The following WDR41 variants were observed in gnomAD, a reference collection of about 807,000 sequenced individuals.
WDR41 encodes the protein WD repeat domain 41, also known as WD repeat-containing protein 41.
WDR41 carries 63 observed loss-of-function variants against 69.3 expected under a neutral mutation model. The ratio of observed to expected loss-of-function variants is 0.91; its 90% confidence interval spans 0.74 to 1.12. WDR41 has a LOEUF of 1.12. Among genes scored for constraint, WDR41 ranks in the 50% most tolerant of loss-of-function variants. The pLI is 0.00. For synonymous variants in WDR41, 185 were observed against 192.1 expected (o/e 0.96, Z 0.31); for missense variants, 543 against 534.5 (o/e 1.02, Z -0.16).
intron 1 of WDR41, among the ~76,000 whole-genome samples, chr5:77,613,619 C>A (rs1744612258): frequency 6.6e-6 from 1 of 152,134 alleles, no homozygotes; most frequent in South Asian, 2.1e-4. Flanking sequence ...TGGATCCCTT[C>A]CTTACACCTT....
chr5:77,570,536 A>C (rs922403297), intron 1 of WDR41, among the ~76,000 whole-genome samples: 2 of 147,876 alleles, frequency 1.4e-5, no homozygotes, highest in African/African-American at 5.0e-5. Context: ...AGATGTTGCT[A>C]ATTTTTACAT....
upstream of WDR41, among the ~76,000 whole-genome samples, chr5:77,494,848 A>T (rs1195086477): frequency 2.0e-5 from 3 of 152,184 alleles, no homozygotes; most frequent in Non-Finnish European, 4.4e-5. Context: ...ATCAGCATAA[A>T]CATTCATCTC....
chr5:77,439,093 CA>C (rs1799056930), intron 9 of WDR41, among the ~76,000 whole-genome samples: 1 of 152,162 alleles, frequency 6.6e-6, no homozygotes. Context: ...GAATCAAGGT[CA>C]TGTTACTCCA....
intron 1 of WDR41, among the ~76,000 whole-genome samples, chr5:77,518,592 A>G (rs1802327063): frequency 1.3e-5 from 2 of 152,100 alleles, no homozygotes. Flanking sequence ...AATCCACTTT[A>G]ACAAGAAATT....
intron 1 of WDR41, among the ~76,000 whole-genome samples, chr5:77,581,089 TA>T (rs1345732666): frequency 6.6e-6 from 1 of 152,022 alleles, no homozygotes; most frequent in African/African-American, 2.4e-5. Context: ...TCAGACTGGA[TA>T]AAAAATATGA....
chr5:77,580,543 CAA>C (rs374914808), intron 1 of WDR41, among the ~76,000 whole-genome samples: 1 of 146,414 alleles, frequency 6.8e-6, no homozygotes, highest in African/African-American at 2.6e-5. Flanking sequence ...AGAGCAACCT[CAA>C]AAAATTACAA....
At chr5:77,541,145 A>G (rs932371697) in intron 1 of WDR41, among the ~76,000 whole-genome samples, 5 of 152,170 alleles carry the variant, frequency 3.3e-5, no homozygotes, top group Non-Finnish European at 5.9e-5. Flanking sequence ...AATTGTAGAT[A>G]TGTCATCAGA....
intron 1 of WDR41, among the ~76,000 whole-genome samples, chr5:77,607,922 A>C (rs984194475): frequency 3.0e-4 from 45 of 152,310 alleles, no homozygotes; most frequent in Non-Finnish European, 4.9e-4. Context: ...TTTTGCCCAC[A>C]TGAAACTTTA....
intron 2 of WDR41, among the ~76,000 whole-genome samples, chr5:77,482,992 CCTCA>C (rs775236731): frequency 1.5e-4 from 23 of 152,220 alleles, no homozygotes; most frequent in East Asian, 9.7e-4. Context: ...CACAAACCAA[CCTCA>C]CTAATGAGCC....
rs1055202042 is a variant in WDR41, at chr5:77,517,648, A to G, written c.43-28076T>C. On this transcript the variant is annotated intron_variant, in intron 1 of 5. Coordinates refer to the WDR41 transcript ENST00000509971. ...TTATTGAACATATATATATATATAT[A>G]TATATATATACCAGGCTAACAGGTA... 1.9e-3 allele frequency among the ~76,000 whole-genome samples: 245 copies of G among 130,668 alleles called. 2 individuals are homozygous for G. The highest frequency in any genetic ancestry group is 6.4e-3 in the African/African-American group (236 of 37,054). 85.7% of individuals were successfully genotyped at this position (130,668 alleles called of 152,430 possible).
At chr5:77,620,342 C>A in intron 1 of WDR41, 1 of 366,102 alleles carries the variant, frequency 2.7e-6, no homozygotes, top group Non-Finnish European at 5.4e-6. Context: ...TGCTGTAAGT[C>A]TCTTTAGTCA....
At chr5:77,472,958 G>A (rs1327781139) in intron 2 of WDR41, among the ~76,000 whole-genome samples, 48 of 152,098 alleles carry the variant, frequency 3.2e-4, no homozygotes, top group African/African-American at 1.1e-3. Context: ...AGCCCGCATT[G>A]CCAAGTCAGT....
At chr5:77,609,861 GCTA>G (rs201017782) in intron 1 of WDR41, among the ~76,000 whole-genome samples, 4,826 of 152,284 alleles carry the variant, frequency 0.032, 82 homozygotes, top group South Asian at 0.055. Flanking sequence ...ACTACTCTGA[GCTA>G]CAGGAGGAAA....
intron 1 of WDR41, among the ~76,000 whole-genome samples, chr5:77,604,103 C>A (rs1008765151): frequency 1.4e-4 from 21 of 152,040 alleles, no homozygotes; most frequent in African/African-American, 4.8e-4. Context: ...TTTTCTATTT[C>A]TGTGAAAAAT....
intron 1 of WDR41, among the ~76,000 whole-genome samples, chr5:77,507,673 T>C (rs1581778390): frequency 6.6e-6 from 1 of 152,340 alleles, no homozygotes; most frequent in South Asian, 2.1e-4. Flanking sequence ...AAAATGTTAT[T>C]CACTATTGAG....
At chr5:77,462,136 G>A (rs1300914797) in intron 4 of WDR41, among the ~76,000 whole-genome samples, 4 of 151,812 alleles carry the variant, frequency 2.6e-5, no homozygotes, top group African/African-American at 4.8e-5. Flanking sequence ...AAGGCCGGGC[G>A]CAGTGGCTCA....
intron 8 of WDR41, among the ~76,000 whole-genome samples, chr5:77,445,464 CA>C (rs1402953751): frequency 6.6e-6 from 1 of 151,866 alleles, no homozygotes; most frequent in African/African-American, 2.4e-5. Flanking sequence ...GGAAGAGACA[CA>C]ACAAAAAAAA....
chr5:77,515,085 A>T (rs1020436081), intron 1 of WDR41, among the ~76,000 whole-genome samples: 3 of 152,142 alleles, frequency 2.0e-5, no homozygotes, highest in Non-Finnish European at 4.4e-5. Context: ...TCAATCATAA[A>T]TTAACCTTAG....
intron 2 of WDR41, among the ~76,000 whole-genome samples, chr5:77,475,940 T>C (rs1273031422): frequency 2.0e-5 from 3 of 152,014 alleles, no homozygotes; most frequent in Admixed American, 1.3e-4. Context: ...TTTAGAAGAA[T>C]GTATAACTAG....
Sources: gnomAD v4.1 joint callset for allele counts (sites outside exome capture counted in the v4.1 genomes callset) on GRCh38, gnomAD v4.1.1 for gene constraint, MANE v1.5 for transcripts, NCBI Gene and HGNC (gene_info 2026-07-23, HGNC 2026-07-21) for gene names.